Variants in MRPL47 observed in about 807,000 individuals in gnomAD.
The protein encoded by MRPL47 is large ribosomal subunit protein uL29m.
In MRPL47, 31 loss-of-function variants were observed where a neutral mutation model predicts 34.0. That is an observed-to-expected ratio of 0.91 (90% CI 0.68 to 1.23). MRPL47 has a LOEUF of 1.23. MRPL47 is among the 50% of genes most tolerant of loss of function. The probability of loss-of-function intolerance (pLI) is 0.00; values close to 1 mark genes in which losing one functional copy is unlikely to be tolerated. For synonymous variants in MRPL47, 106 were observed against 101.6 expected, an observed-to-expected ratio of 1.04 and a Z score of -0.26; for missense variants, 328 against 285.8, an observed-to-expected ratio of 1.15 and a Z score of -1.07.
chr3:179,588,454 A>C lies in MRPL47; in HGVS notation c.*418T>G, dbSNP rs1718578468. The C allele has an allele frequency of 5.8e-6, 1 of 173,810 alleles. No homozygotes were observed. Among genetic ancestry groups the C allele is most frequent in the East Asian group, 1.6e-4 (1 of 6,142 alleles). 10.8% of individuals were successfully genotyped at this position (173,810 alleles called of 1,614,324 possible). Reference sequence around the variant, plus strand: ...GATTACTACTTTAAGGACTAAATGTATTTCTCATTATTTTGAATCAAAGTC... The same window carrying C: ...GATTACTACTTTAAGGACTAAATGTCTTTCTCATTATTTTGAATCAAAGTC... On this transcript the variant is annotated 3_prime_UTR_variant, in exon 7 of 7. Transcript: ENST00000476781.
At chr3:179,592,761 A>G (rs548071311) in intron 5 of MRPL47, 22 bp from the exon 6 acceptor site, 1 of 1,496,172 alleles carries the variant, frequency 6.7e-7, no homozygotes, top group South Asian at 1.1e-5. Context: ...GCAAAAAGTT[A>G]TTTGCCTTAA....
chr3:179,601,831 A>T (rs1312849898), intron 2 of MRPL47, 41 bp from the exon 3 acceptor site: 2 of 1,481,150 alleles, frequency 1.4e-6, no homozygotes, highest in Non-Finnish European at 9.4e-7. Context: ...ATTTCTAGCC[A>T]TGTGCCCTTT....
chr3:179,602,607 GGGT>G, intron 2 of MRPL47, 42 bp downstream of exon 2: 17 of 865,624 alleles, frequency 2.0e-5, no homozygotes, highest in South Asian at 1.0e-4. Context: ...GCGGGGGGGG[GGGT>G]TCCATAAATA....
In MRPL47 at chr3:179,601,740, GT is replaced by G; in HGVS notation, c.294del (p.Leu98PhefsTer9). 6.2e-7 allele frequency: 1 copy of G among 1,603,646 alleles called. No individual in the cohort carries two copies. The highest frequency in any genetic ancestry group is 8.5e-7 in the Non-Finnish European group (1 of 1,170,956). ...ACTTAGTATACTTACCAAAGTTTGT[GT>G]AAATCTTCATTACTTTTGTTCCTTA... ...QQLRNKSNEDLHKLWYVLLKE... is the reference protein window; with the variant it reads ...QQLRNKSNEDXHKLWYVLLKE... On this transcript the variant is annotated frameshift_variant, in exon 3 of 7. Transcript: ENST00000476781. LOFTEE classifies it high-confidence loss of function.
intron 3 of MRPL47, among the ~76,000 whole-genome samples, chr3:179,601,394 G>A (rs763335270): frequency 1.4e-4 from 21 of 152,116 alleles, no homozygotes; most frequent in Non-Finnish European, 2.9e-4. Flanking sequence ...GCAACAGAGC[G>A]AGACCTTGTC....
chr3:179,601,612 T>C (rs1336145397), intron 3 of MRPL47, 118 bp downstream of exon 3: 6 of 668,504 alleles, frequency 9.0e-6, no homozygotes, highest in African/African-American at 3.7e-5. Flanking sequence ...TTATCATCCA[T>C]AGTACTACAA....
chr3:179,602,960 C>T (rs1718964091), intron 1 of MRPL47, among the ~76,000 whole-genome samples, 163 bp from the exon 2 acceptor site: 1 of 151,978 alleles, frequency 6.6e-6, no homozygotes, highest in Admixed American at 6.6e-5. Context: ...TATTTAGAGA[C>T]TGGGTCTCAC....
intron 5 of MRPL47, among the ~76,000 whole-genome samples, chr3:179,593,216 G>T (rs1718714847): frequency 6.6e-6 from 1 of 152,184 alleles, no homozygotes; most frequent in South Asian, 2.1e-4. Flanking sequence ...TCTGGGATTT[G>T]AATGTAGGAG....
chr3:179,590,169 T>C lies in MRPL47; in HGVS notation c.630-1174A>G, dbSNP rs369052123. Among the ~76,000 whole-genome samples the C allele has an allele frequency of 2.9e-4, 44 of 152,164 alleles. 1 individual carries two copies. The South Asian group carries it at 8.7e-3, about 30-fold the overall frequency. Reference sequence around the variant, plus strand: ...TCCTGGCCAACATGGTGAAACCCTGTCTCTGCTAAGAATACAAAAATTAGC... The same window carrying C: ...TCCTGGCCAACATGGTGAAACCCTGCCTCTGCTAAGAATACAAAAATTAGC... On this transcript the variant is annotated intron_variant, in intron 6 of 6. Transcript: ENST00000476781.
At chr3:179,593,947 C>T (rs1406579082) in intron 4 of MRPL47, 52 bp from the exon 5 acceptor site, 1 of 1,539,468 alleles carries the variant, frequency 6.5e-7, no homozygotes, top group Non-Finnish European at 8.8e-7. Flanking sequence ...CTACAAAATT[C>T]CCAAAAAAGA....
At chr3:179,592,920 A>G (rs570047807) in intron 5 of MRPL47, among the ~76,000 whole-genome samples, 181 bp from the exon 6 acceptor site, 22 of 152,352 alleles carry the variant, frequency 1.4e-4, no homozygotes, top group African/African-American at 4.8e-4. Flanking sequence ...CCATTAAAAG[A>G]ACCTACCGAA....
chr3:179,588,886 A>T lies in MRPL47; in HGVS notation c.739T>A (p.Ser247Thr). The T allele has an allele frequency of 6.2e-7, 1 of 1,613,262 alleles. No individual in the cohort carries two copies. Among genetic ancestry groups the T allele is most frequent in the Non-Finnish European group, 8.5e-7 (1 of 1,179,644 alleles). Residue 247 changes from serine (S) to threonine (T), a missense_variant, in exon 7 of 7, where the codon TCA becomes ACA. By Grantham distance (58) the Ser-to-Thr change is moderately conservative (BLOSUM62 1). Transcript: ENST00000476781. ...KFPHLAEAQKSSLV is the reference protein window; with the variant it reads ...KFPHLAEAQKTSLV Reference sequence around the variant, plus strand: ...GTTCAGACATCTTAGACAAGACTTGACTTTTGGGCTTCAGCAAGATGTGGA... The same window carrying T: ...GTTCAGACATCTTAGACAAGACTTGTCTTTTGGGCTTCAGCAAGATGTGGA...
intron 3 of MRPL47, among the ~76,000 whole-genome samples, chr3:179,601,314 G>T (rs1718920431): frequency 6.6e-6 from 1 of 152,104 alleles, no homozygotes; most frequent in South Asian, 2.1e-4. Context: ...AGGCTGAGGT[G>T]GGGGATCACT....
chr3:179,594,485 A>G (rs940627315), intron 4 of MRPL47, among the ~76,000 whole-genome samples: 1 of 152,092 alleles, frequency 6.6e-6, no homozygotes, highest in Admixed American at 6.6e-5. Flanking sequence ...AGGGTTTTAT[A>G]CATATATATA....
At chr3:179,604,459 G>A (rs1243201417) in intron 1 of MRPL47, 68 bp downstream of exon 1, 35 of 1,453,000 alleles carry the variant, frequency 2.4e-5, no homozygotes, top group Non-Finnish European at 3.3e-5. Flanking sequence ...TCGGCATCTC[G>A]GCATCTCGGC....
chr3:179,588,501 C>T lies in MRPL47; in HGVS notation c.*371G>A. The T allele has an allele frequency of 1.1e-5, 2 of 181,658 alleles. No homozygotes were observed. Among genetic ancestry groups the T allele is most frequent in the Non-Finnish European group, 2.3e-5 (2 of 86,828 alleles). 11.3% of individuals were successfully genotyped at this position (181,658 alleles called of 1,614,324 possible). A position where few individuals can be genotyped will look rare whatever the true frequency, so the allele number is the denominator to read the frequency against. ...AGTCCTCCGTTTATTAACAGCAATA[C>T]CCACATCCTCTTCATAGCCTATTAA... is the stretch of plus-strand genomic sequence containing the variant. On this transcript the variant is annotated 3_prime_UTR_variant, in exon 7 of 7. Coordinates refer to ENST00000476781, the MANE Select transcript of MRPL47 (RefSeq NM_020409.3).
At chr3:179,592,101 G>A (rs997514919) in intron 6 of MRPL47, among the ~76,000 whole-genome samples, 1 of 152,176 alleles carries the variant, frequency 6.6e-6, no homozygotes, top group Non-Finnish European at 1.5e-5. Context: ...CCAAAGTGCT[G>A]GGATTACAGG....
chr3:179,591,933 A>G (rs1393998030), intron 6 of MRPL47, among the ~76,000 whole-genome samples: 2 of 150,736 alleles, frequency 1.3e-5, no homozygotes, highest in East Asian at 2.0e-4. Flanking sequence ...CCCAGGTTCC[A>G]TCAATTCTCG....
intron 5 of MRPL47, 104 bp downstream of exon 5, chr3:179,593,661 A>G (rs1718724026): frequency 1.9e-6 from 2 of 1,027,160 alleles, no homozygotes; most frequent in Non-Finnish European, 2.8e-6. Context: ...TATCTCTAAT[A>G]TTATCTCATA....
Sources: gnomAD v4.1 joint callset for allele counts (sites outside exome capture counted in the v4.1 genomes callset) on GRCh38, gnomAD v4.1.1 for gene constraint, MANE v1.5 for transcripts, NCBI Gene and HGNC (gene_info 2026-07-23, HGNC 2026-07-21) for gene names.